The following GPC6 variants were observed in gnomAD, a reference collection of about 807,000 sequenced individuals.
GPC6 encodes the protein glypican-6.
A neutral mutation model predicts 55.2 loss-of-function variants in GPC6; 14 were observed. That is an observed-to-expected ratio of 0.25 (90% CI 0.17 to 0.40). The LOEUF (loss-of-function observed/expected upper bound fraction) is 0.40. Among genes scored for constraint, GPC6 ranks in the 10% least tolerant of loss-of-function variants. The pLI is 1.00. For synonymous variants in GPC6, 278 were observed against 259.6 expected, an observed-to-expected ratio of 1.07 and a Z score of -0.68; for missense variants, 641 against 708.5, an observed-to-expected ratio of 0.90 and a Z score of 1.08.
chr13:93,649,510 T>G (rs751293196), intron 2 of GPC6, among the ~76,000 whole-genome samples: 2 of 152,128 alleles, frequency 1.3e-5, no homozygotes, highest in Non-Finnish European at 2.9e-5. Flanking sequence ...GCATGGTATA[T>G]TTTTTTCATT....
At chr13:93,822,445 T>C (rs1277767180) in intron 2 of GPC6, among the ~76,000 whole-genome samples, 2 of 152,080 alleles carry the variant, frequency 1.3e-5, no homozygotes, top group East Asian at 1.9e-4. Flanking sequence ...ACATGAAAAT[T>C]ATTATTATTA....
upstream of GPC6, chr13:93,226,529 A>G (rs1875788380): frequency 6.6e-6 from 1 of 152,210 alleles, no homozygotes; most frequent in South Asian, 2.1e-4. Flanking sequence ...AGGGACACAT[A>G]TTAAGAGCAA....
At chr13:93,558,938 G>T (rs1159552191) in intron 2 of GPC6, among the ~76,000 whole-genome samples, 1 of 152,092 alleles carries the variant, frequency 6.6e-6, no homozygotes, top group African/African-American at 2.4e-5. Context: ...CACTGAGTTA[G>T]GTTTTTATAT....
intron 3 of GPC6, among the ~76,000 whole-genome samples, chr13:93,835,366 A>G (rs1471132583): frequency 6.6e-6 from 1 of 152,122 alleles, no homozygotes; most frequent in African/African-American, 2.4e-5. Flanking sequence ...GCAGTGGGAG[A>G]GTGGCTTGAG....
At chr13:94,128,648 G>T (rs1441572404) in intron 4 of GPC6, among the ~76,000 whole-genome samples, 4 of 152,072 alleles carry the variant, frequency 2.6e-5, no homozygotes, top group Non-Finnish European at 5.9e-5. Context: ...CAACTCGCTG[G>T]CCAGGACAAT....
chr13:94,131,948 T>A (rs1192140359), intron 4 of GPC6, among the ~76,000 whole-genome samples: 1 of 152,186 alleles, frequency 6.6e-6, no homozygotes, highest in Non-Finnish European at 1.5e-5. Flanking sequence ...TAGATTATTG[T>A]GCACATGAGG....
chr13:94,226,616 G>T (rs1016304402), intron 4 of GPC6, among the ~76,000 whole-genome samples: 1 of 151,906 alleles, frequency 6.6e-6, no homozygotes, highest in Non-Finnish European at 1.5e-5. Flanking sequence ...TTCATACTTG[G>T]GTCTAAAGAA....
At chr13:94,195,095 G>C (rs904571210) in intron 4 of GPC6, among the ~76,000 whole-genome samples, 2 of 152,142 alleles carry the variant, frequency 1.3e-5, no homozygotes. Flanking sequence ...CTTTGTGACT[G>C]CTCTTCTATT....
chr13:94,136,126 G>A (rs1446898998), intron 4 of GPC6, among the ~76,000 whole-genome samples: 1 of 151,308 alleles, frequency 6.6e-6, no homozygotes, highest in Non-Finnish European at 1.5e-5. Flanking sequence ...ACACCAGAAT[G>A]TAGAAAAGGG....
chr13:93,333,531 A>ATGT (rs751137503), intron 1 of GPC6, among the ~76,000 whole-genome samples: 1 of 130,618 alleles, frequency 7.7e-6, no homozygotes, highest in Non-Finnish European at 1.6e-5. Flanking sequence ...ATGCTATTGA[A>ATGT]TTTTTTTTTT....
chr13:93,996,749 C>T (rs1881575004), intron 3 of GPC6, among the ~76,000 whole-genome samples: 2 of 152,032 alleles, frequency 1.3e-5, no homozygotes, highest in South Asian at 4.2e-4. Flanking sequence ...ACTATGAGCT[C>T]ATTTGGAAGT....
At chr13:93,905,052 A>C (rs1375124224) in intron 3 of GPC6, among the ~76,000 whole-genome samples, 1 of 135,438 alleles carries the variant, frequency 7.4e-6, no homozygotes, top group Admixed American at 7.6e-5. Flanking sequence ...TTGCAAATTT[A>C]TGTTAGCTTT....
At chr13:94,352,303 A>G (rs866456629) in intron 6 of GPC6, among the ~76,000 whole-genome samples, 1 of 151,592 alleles carries the variant, frequency 6.6e-6, no homozygotes, top group South Asian at 2.1e-4. Flanking sequence ...TTAACCCCAA[A>G]TGCTACAACC....
intron 4 of GPC6, among the ~76,000 whole-genome samples, chr13:94,075,147 A>G (rs1884865012): frequency 6.6e-6 from 1 of 152,232 alleles, no homozygotes; most frequent in Non-Finnish European, 1.5e-5. Context: ...GTGTGAAGTC[A>G]TAACCAATTT....
At position 93,965,827 on chromosome 13, in the gene GPC6, A is replaced by G. The variant is rs190589894; in HGVS notation, c.712-61902A>G. On this transcript the variant is annotated intron_variant, in intron 3 of 8. Coordinates refer to ENST00000377047, the MANE Select transcript of GPC6 (RefSeq NM_005708.5). ...CCAGCTGAGCCCAGCCAAAATCACC[A>G]ACTCCTGGAATTATGAATGAATAAG... Among the ~76,000 whole-genome samples the G allele has an allele frequency of 3.6e-3, 549 of 152,252 alleles. 3 individuals are homozygous for G. Among genetic ancestry groups the G allele is most frequent in the Non-Finnish European group, 6.0e-3 (407 of 68,010 alleles).
chr13:93,919,313 T>C (rs1877448101), intron 3 of GPC6, among the ~76,000 whole-genome samples: 1 of 152,192 alleles, frequency 6.6e-6, no homozygotes, highest in African/African-American at 2.4e-5. Context: ...CAGTCCGTTG[T>C]TAAGGAAGGA....
At chr13:93,323,567 TC>T (rs1438982757) in intron 1 of GPC6, among the ~76,000 whole-genome samples, 4 of 152,188 alleles carry the variant, frequency 2.6e-5, no homozygotes, top group Non-Finnish European at 5.9e-5. Context: ...GTTAGCAAGT[TC>T]CGCCTCCTCA....
chr13:93,731,386 C>A (rs2138836681), intron 2 of GPC6, among the ~76,000 whole-genome samples: 1 of 152,234 alleles, frequency 6.6e-6, no homozygotes, highest in South Asian at 2.1e-4. Context: ...CTTACTGAGT[C>A]TTTTAGCCCT....
chr13:94,057,403 T>C (rs1300073713), intron 4 of GPC6, among the ~76,000 whole-genome samples: 1 of 152,222 alleles, frequency 6.6e-6, no homozygotes. Context: ...TTGAGACTAT[T>C]ATCACAGTCA....
Sources: allele counts gnomAD v4.1 joint callset (sites outside exome capture counted in the v4.1 genomes callset), GRCh38; gene constraint gnomAD v4.1.1; transcripts MANE v1.5; gene names NCBI Gene and HGNC (gene_info 2026-07-23, HGNC 2026-07-21).